Variants in GABRB1 observed in about 807,000 individuals in gnomAD.
GABRB1 encodes gamma-aminobutyric acid receptor subunit beta-1.
In GABRB1, 17 loss-of-function variants were observed where a neutral mutation model predicts 51.6. The observed-to-expected ratio is 0.33, with a 90% CI of 0.23 to 0.49. GABRB1 has a LOEUF of 0.49. Among genes scored for constraint, GABRB1 ranks in the 20% least tolerant of loss-of-function variants. The pLI is 0.99. For missense variants in GABRB1, 410 were observed against 600.6 expected (o/e 0.68, Z 3.32); for synonymous variants, 247 against 218.9 (o/e 1.13, Z -1.14).
intron 3 of GABRB1, among the ~76,000 whole-genome samples, chr4:47,157,245 T>C (rs1015675802): frequency 6.6e-6 from 1 of 152,084 alleles, no homozygotes; most frequent in African/African-American, 2.4e-5. Flanking sequence ...TAAACTCACC[T>C]AGAAGGAAAG....
intron 4 of GABRB1, among the ~76,000 whole-genome samples, chr4:47,216,494 C>A (rs1158864399): frequency 6.6e-6 from 1 of 151,868 alleles, no homozygotes; most frequent in Admixed American, 6.6e-5. Context: ...AGCATCAGGG[C>A]TCTTTGTAAT....
intron 3 of GABRB1, among the ~76,000 whole-genome samples, chr4:47,055,163 A>G (rs1009916143): frequency 6.6e-6 from 1 of 152,240 alleles, no homozygotes; most frequent in Non-Finnish European, 1.5e-5. Context: ...AAAATAAGAC[A>G]TTGCTACTTC....
intron 8 of GABRB1, among the ~76,000 whole-genome samples, chr4:47,424,112 C>A (rs979916468): frequency 6.6e-6 from 1 of 152,134 alleles, no homozygotes; most frequent in African/African-American, 2.4e-5. Flanking sequence ...AGTCAGTCGC[C>A]ATTTCTCTCT....
chr4:47,292,402 C>T (rs913085149), intron 4 of GABRB1, among the ~76,000 whole-genome samples: 7 of 152,140 alleles, frequency 4.6e-5, no homozygotes, highest in Non-Finnish European at 8.8e-5. Context: ...AAAAAGTTTA[C>T]TTTAAAAAAT....
At chr4:47,147,701 T>C (rs1247599482) in intron 3 of GABRB1, among the ~76,000 whole-genome samples, 1 of 152,034 alleles carries the variant, frequency 6.6e-6, no homozygotes, top group East Asian at 1.9e-4. Context: ...ATCTAAGGCC[T>C]GTTCAATACG....
chr4:47,343,014 G>A (rs1030458760), intron 5 of GABRB1, among the ~76,000 whole-genome samples: 2 of 152,102 alleles, frequency 1.3e-5, no homozygotes, highest in Non-Finnish European at 2.9e-5. Flanking sequence ...TGCTCCACAA[G>A]CTTGGATAAT....
chr4:47,130,575 C>T (rs1483930952), intron 3 of GABRB1, among the ~76,000 whole-genome samples: 1 of 152,096 alleles, frequency 6.6e-6, no homozygotes, highest in African/African-American at 2.4e-5. Flanking sequence ...TGCCTCCCCC[C>T]AGATTAGGAA....
intron 3 of GABRB1, among the ~76,000 whole-genome samples, chr4:47,058,423 A>G (rs1487496800): frequency 6.6e-6 from 1 of 152,242 alleles, no homozygotes; most frequent in Non-Finnish European, 1.5e-5. Flanking sequence ...TAGACAAGGA[A>G]CTACCAGTGG....
intron 4 of GABRB1, among the ~76,000 whole-genome samples, chr4:47,163,257 C>T (rs1718038836): frequency 6.6e-6 from 1 of 152,012 alleles, no homozygotes; most frequent in South Asian, 2.1e-4. Context: ...ATCAATATGA[C>T]AATACATAGT....
Position 47,426,053 on chromosome 4 carries a change from CTCT to C in GABRB1, c.*39_*41del. The C allele has an allele frequency of 2.7e-6, 4 of 1,481,536 alleles. No homozygotes were observed. The highest frequency in any genetic ancestry group is 1.8e-4 in the Middle Eastern group (1 of 5,528). The allele number at this position is 1,481,536 out of a possible 1,614,324, so 91.8% of individuals were successfully genotyped here. A position where few individuals can be genotyped will look rare whatever the true frequency, so the allele number is the denominator to read the frequency against. Reference sequence around the variant, plus strand: ...TAATGGTTCCATTTAGACTACTTTCCTCTTCTATTGTTTTTTAACCTTACAGGT... The same window carrying C: ...TAATGGTTCCATTTAGACTACTTTCCTCTATTGTTTTTTAACCTTACAGGT... On this transcript the variant is annotated 3_prime_UTR_variant, in exon 9 of 9. Coordinates refer to ENST00000295454, the MANE Select transcript of GABRB1 (RefSeq NM_000812.4).
intron 5 of GABRB1, among the ~76,000 whole-genome samples, chr4:47,374,700 C>CG (rs1220734886): frequency 3.3e-5 from 5 of 152,184 alleles, no homozygotes; most frequent in African/African-American, 1.2e-4. Flanking sequence ...AAGTGATTGG[C>CG]ACAGGATTGG....
At chr4:47,110,394 T>G (rs1173427317) in intron 3 of GABRB1, among the ~76,000 whole-genome samples, 1 of 152,230 alleles carries the variant, frequency 6.6e-6, no homozygotes, top group Non-Finnish European at 1.5e-5. Context: ...TATGCTATCT[T>G]TTCTTTTTGT....
intron 4 of GABRB1, among the ~76,000 whole-genome samples, chr4:47,231,060 A>G (rs781160016): frequency 1.4e-4 from 22 of 152,170 alleles, no homozygotes; most frequent in Admixed American, 1.2e-3. Flanking sequence ...GCTAGGGATA[A>G]GAGTCAAAAT....
At chr4:47,105,503 C>T (rs1299221161) in intron 3 of GABRB1, among the ~76,000 whole-genome samples, 2 of 152,054 alleles carry the variant, frequency 1.3e-5, no homozygotes, top group Non-Finnish European at 2.9e-5. Context: ...TTTACCCTTC[C>T]TTCACCTGAA....
chr4:47,320,894 A>C (rs1055487141), intron 5 of GABRB1, among the ~76,000 whole-genome samples: 1 of 150,286 alleles, frequency 6.7e-6, no homozygotes, highest in Admixed American at 6.7e-5. Context: ...CTCAGCCTCC[A>C]GACTGGCTGG....
chr4:47,240,111 A>T (rs902863465), intron 4 of GABRB1, among the ~76,000 whole-genome samples: 2 of 152,206 alleles, frequency 1.3e-5, no homozygotes, highest in Admixed American at 1.3e-4. Context: ...CTGACCCTGC[A>T]GCTCAGTCTG....
intron 3 of GABRB1, among the ~76,000 whole-genome samples, chr4:47,080,026 C>T (rs1727758697): frequency 6.6e-6 from 1 of 151,938 alleles, no homozygotes; most frequent in South Asian, 2.1e-4. Flanking sequence ...AAAAAAACTG[C>T]CAAACTGCCA....
intron 3 of GABRB1, among the ~76,000 whole-genome samples, chr4:47,079,825 A>C (rs1014422656): frequency 2.5e-5 from 3 of 120,986 alleles, no homozygotes; most frequent in Admixed American, 1.0e-4. Context: ...AGGAAGGGGA[A>C]CATCACACAC....
At chr4:47,179,549 T>G (rs1718857952) in intron 4 of GABRB1, among the ~76,000 whole-genome samples, 1 of 152,146 alleles carries the variant, frequency 6.6e-6, no homozygotes, top group African/African-American at 2.4e-5. Flanking sequence ...GCCATACTTT[T>G]AAGTCATTTA....
Sources: allele counts gnomAD v4.1 joint callset (sites outside exome capture counted in the v4.1 genomes callset), GRCh38; gene constraint gnomAD v4.1.1; transcripts MANE v1.5; gene names NCBI Gene and HGNC (gene_info 2026-07-23, HGNC 2026-07-21).